VPS39: variants seen among roughly 807,000 people sequenced by gnomAD.
VPS39 encodes VPS39 subunit of HOPS complex.
A neutral mutation model predicts 121.0 loss-of-function variants in VPS39; 70 were observed. The observed-to-expected ratio is 0.58, with a 90% CI of 0.48 to 0.71. VPS39 has a LOEUF of 0.71. VPS39 is among the 30% of genes least tolerant of loss of function. VPS39 has a pLI of 0.00. For synonymous variants in VPS39, 378 were observed against 398.1 expected (o/e 0.95, Z 0.60); for missense variants, 818 against 1,051.5 (o/e 0.78, Z 3.07).
chr15:42,174,790 C>T (rs559396482), intron 10 of VPS39, among the ~76,000 whole-genome samples: 2 of 152,178 alleles, frequency 1.3e-5, no homozygotes, highest in African/African-American at 4.8e-5. Context: ...GCCTGGCCAA[C>T]ATAGTGAAAC....
At chr15:42,194,810 G>GT (rs928362498) in intron 2 of VPS39, among the ~76,000 whole-genome samples, 8 of 151,576 alleles carry the variant, frequency 5.3e-5, no homozygotes, top group Non-Finnish European at 4.4e-5. Flanking sequence ...TGGTACCACT[G>GT]TTTTTTTCGT....
chr15:42,188,996 G>A (rs2049764555), intron 5 of VPS39, 118 bp downstream of exon 5: 1 of 720,524 alleles, frequency 1.4e-6, no homozygotes, highest in African/African-American at 1.8e-5. Flanking sequence ...AATAATCTTT[G>A]GAGTCTCTGT....
At chr15:42,169,316 T>A (rs1213045927) in intron 12 of VPS39, among the ~76,000 whole-genome samples, 1 of 152,242 alleles carries the variant, frequency 6.6e-6, no homozygotes, top group African/African-American at 2.4e-5. Context: ...GGTAGAGTTA[T>A]AGGTAATTTG....
chr15:42,198,799 C>T (rs780720388), intron 2 of VPS39, among the ~76,000 whole-genome samples: 35 of 152,308 alleles, frequency 2.3e-4, no homozygotes, highest in Non-Finnish European at 4.4e-4. Context: ...GTTACAAAGG[C>T]AGAGTTAAGT....
rs200622124 is a variant in VPS39, at chr15:42,199,986, AC to A, written c.74-26del. The A allele has an allele frequency of 4.8e-4, 736 of 1,529,142 alleles. 3 individuals carry two copies. Among genetic ancestry groups the A allele is most frequent in the South Asian group, 2.8e-3 (214 of 77,754 alleles). 94.7% of individuals were successfully genotyped at this position (1,529,142 alleles called of 1,614,324 possible). A position where few individuals can be genotyped will look rare whatever the true frequency, so the allele number is the denominator to read the frequency against. On this transcript the variant is annotated intron_variant, in intron 1 of 24. Coordinates refer to ENST00000318006, the MANE Select transcript of VPS39 (RefSeq NM_015289.5). ...TCTGGAAAAACAAAACAAAACAAAA[AC>A]AAAAACAAAAAAAAACCAGCTTTGA...
At chr15:42,171,351 G>A (rs975909158) in intron 11 of VPS39, among the ~76,000 whole-genome samples, 3 of 152,124 alleles carry the variant, frequency 2.0e-5, no homozygotes, top group Admixed American at 1.3e-4. Flanking sequence ...AGCCAGACTC[G>A]GCATTTCCAG....
intron 2 of VPS39, chr15:42,199,505 T>C (rs1244905515): frequency 2.3e-6 from 1 of 434,444 alleles, no homozygotes; most frequent in Non-Finnish European, 4.6e-6. Flanking sequence ...CAAGATATTT[T>C]AAATCGATGT....
intron 23 of VPS39, 95 bp downstream of exon 23, chr15:42,161,937 G>GT: frequency 6.3e-7 from 1 of 1,598,258 alleles, no homozygotes. Flanking sequence ...GAGCTGCACT[G>GT]TACAGGCTCT....
intron 2 of VPS39, among the ~76,000 whole-genome samples, chr15:42,196,567 A>G (rs2049942454): frequency 6.6e-6 from 1 of 152,242 alleles, no homozygotes; most frequent in African/African-American, 2.4e-5. Context: ...ACATGAAAAA[A>G]TGCTCATCAT....
intron 8 of VPS39, among the ~76,000 whole-genome samples, chr15:42,182,541 C>T (rs963899233): frequency 6.6e-6 from 1 of 152,222 alleles, no homozygotes; most frequent in African/African-American, 2.4e-5. Context: ...TTTTCTTACA[C>T]GCTCTGATGT....
intron 2 of VPS39, 109 bp downstream of exon 2, chr15:42,199,787 C>A: frequency 8.1e-7 from 1 of 1,230,092 alleles, no homozygotes; most frequent in South Asian, 1.6e-5. Flanking sequence ...CCACCGTGCT[C>A]CCTCTAACCT....
At chr15:42,183,850 C>T (rs1254260563) in intron 8 of VPS39, among the ~76,000 whole-genome samples, 3 of 152,230 alleles carry the variant, frequency 2.0e-5, no homozygotes, top group Middle Eastern at 3.4e-3. Context: ...CATGTCAGTA[C>T]GTCCCACTTC....
chr15:42,187,709 C>T (rs774822134), intron 6 of VPS39, 49 bp downstream of exon 6: 48 of 1,544,124 alleles, frequency 3.1e-5, no homozygotes, highest in African/African-American at 5.4e-5. Context: ...AGAACCGAGC[C>T]ACTGCAGCAG....
At chr15:42,174,014 G>A (rs1242365753) in intron 10 of VPS39, among the ~76,000 whole-genome samples, 162 bp from the exon 11 acceptor site, 3 of 152,168 alleles carry the variant, frequency 2.0e-5, no homozygotes, top group Non-Finnish European at 2.9e-5. Flanking sequence ...TTGGGAGGCC[G>A]AGGCGGGCGG....
chr15:42,174,701 C>T (rs1028369389), intron 10 of VPS39, among the ~76,000 whole-genome samples: 3 of 152,128 alleles, frequency 2.0e-5, no homozygotes, highest in African/African-American at 4.8e-5. Context: ...GGGCCAGGCA[C>T]GGTGGCTCAT....
chr15:42,184,402 A>T, intron 8 of VPS39, 115 bp downstream of exon 8: 2 of 1,096,472 alleles, frequency 1.8e-6, no homozygotes, highest in Non-Finnish European at 2.5e-6. Flanking sequence ...GGGGAACTGA[A>T]AGTGAATGAC....
chr15:42,174,586 G>A (rs892694479), intron 10 of VPS39, among the ~76,000 whole-genome samples: 4 of 152,176 alleles, frequency 2.6e-5, no homozygotes, highest in Non-Finnish European at 5.9e-5. Flanking sequence ...ACAAAATAGG[G>A]TAAGAGTGAT....
chr15:42,173,983 C>G, intron 10 of VPS39, 131 bp from the exon 11 acceptor site: 1 of 1,054,914 alleles, frequency 9.5e-7, no homozygotes, highest in Non-Finnish European at 1.3e-6. Context: ...CGCGGTGCCT[C>G]ACGCTTGTAA....
intron 15 of VPS39, 118 bp from the exon 16 acceptor site, chr15:42,166,350 G>A: frequency 8.3e-7 from 1 of 1,206,704 alleles, no homozygotes; most frequent in South Asian, 1.4e-5. Flanking sequence ...TCAAGCATGA[G>A]CCACTTGGGG....
Sources: allele counts gnomAD v4.1 joint callset (sites outside exome capture counted in the v4.1 genomes callset), GRCh38; gene constraint gnomAD v4.1.1; transcripts MANE v1.5; gene names NCBI Gene and HGNC (gene_info 2026-07-23, HGNC 2026-07-21).